DNPEP: variants seen among roughly 807,000 people sequenced by gnomAD.
DNPEP encodes the protein aspartyl aminopeptidase.
Under a neutral mutation model 59.1 loss-of-function variants are expected in DNPEP, and 46 were observed. That is an observed-to-expected ratio of 0.78 (90% CI 0.61 to 0.99). The LOEUF is 0.99. Ranked by LOEUF, DNPEP falls within the 50% of genes least tolerant of loss-of-function variation. DNPEP has a pLI of 0.00. For missense variants in DNPEP, 617 were observed against 649.9 expected (o/e 0.95, Z 0.55); for synonymous variants, 229 against 242.2 (o/e 0.95, Z 0.50).
In DNPEP at chr2:219,381,918, G is replaced by A. The variant is rs1953618310; in HGVS notation, c.1097+61C>T. Reference sequence around the variant, plus strand: ...GGCTGGGGCCAAGGCAGAGCCTCAAGGCAGGTTATGCTTGGGTCTCCAGCT... The same window carrying A: ...GGCTGGGGCCAAGGCAGAGCCTCAAAGCAGGTTATGCTTGGGTCTCCAGCT... On this transcript the variant is annotated intron_variant, in intron 11 of 14. Coordinates refer to ENST00000273075, the MANE Select transcript of DNPEP (RefSeq NM_012100.4). 5.7e-6 allele frequency: 9 copies of A among 1,588,508 alleles called. No homozygotes were observed. In the Admixed American group the frequency reaches 1.3e-4, roughly 24 times the overall value.
rs376715559 is a variant in DNPEP at position 219,374,874 on chromosome 2, T to C, written c.1388A>G (p.Gln463Arg). The change falls in exon 14 of 15, where the codon CAG becomes CGG. Residue 463 changes from glutamine to arginine, a missense_variant. Coordinates refer to ENST00000273075, the MANE Select transcript of DNPEP (RefSeq NM_012100.4). ...TGTTACCTTGAAGAGGGTGAGGGTC[T>C]GGAGGACTCCTGTGGTGCAGGCCAT... is the stretch of plus-strand genomic sequence containing the variant. ...REMACTTGVL[Q>R]TLTLFKGFFE... is the part of the protein sequence containing the mutation. The C allele has an allele frequency of 1.2e-6, 2 of 1,614,040 alleles. No individual in the cohort carries two copies. The highest frequency in any genetic ancestry group is 2.7e-5 in the African/African-American group (2 of 74,938).
rs1953432148 is a variant in DNPEP, at chr2:219,377,778, GC to G, written c.1240-2757del. ...CATTTTTACTAAAAATAGAAAATTAGCCAGCATGGTGGCATGCATCTGTAGT... is the reference window on the plus strand; with the variant it reads ...CATTTTTACTAAAAATAGAAAATTAGCAGCATGGTGGCATGCATCTGTAGT... On this transcript the variant is annotated intron_variant, in intron 13 of 14. Transcript: ENST00000273075. Among the ~76,000 whole-genome samples, 3 of 152,018 alleles carry G rather than the reference GC, an allele frequency of 2.0e-5. No homozygotes were observed. In the South Asian group the frequency reaches 6.2e-4, roughly 32 times the overall value.
chr2:219,378,573 G>A (rs6717249), intron 13 of DNPEP, among the ~76,000 whole-genome samples: 125,469 of 152,176 alleles, frequency 0.82, 52,866 homozygotes, highest in Non-Finnish European at 0.91. Flanking sequence ...ATTGTCACTG[G>A]ACCGCCCATG....
chr2:219,376,479 C>T (rs1482584651), intron 13 of DNPEP, among the ~76,000 whole-genome samples: 6 of 147,882 alleles, frequency 4.1e-5, no homozygotes, highest in African/African-American at 1.2e-4. Context: ...CAGAGCGAGA[C>T]CCTGTCTAAA....
At position 219,372,273 on chromosome 2, in the gene DNPEP, CAGA is replaced by C. The variant is rs1324962703; in HGVS notation, c.*2016_*2018del. ...TAAGGCCCTTTTGTCACTCCCAACCCAGAAGATCACTGTAAAAGTTTCAGGTGC... is the reference window on the plus strand; with the variant it reads ...TAAGGCCCTTTTGTCACTCCCAACCCAGATCACTGTAAAAGTTTCAGGTGC... On this transcript the variant is annotated 3_prime_UTR_variant, in exon 15 of 15. Transcript: ENST00000273075. Among the ~76,000 whole-genome samples, 3 of 152,174 alleles carry C rather than the reference CAGA, an allele frequency of 2.0e-5. No individual in the cohort carries two copies. The highest frequency in any genetic ancestry group is 4.8e-5 in the African/African-American group (2 of 41,446).
rs549968429 is a variant in DNPEP at position 219,385,464 on chromosome 2, A to G, written c.734T>C (p.Ile245Thr). Reference sequence around the variant, plus strand: ...TGCAAGGCAGAGCTCCATCTCCACTATGTCCTTGGGGCTCAGCCCCAGATG... The same window carrying G: ...TGCAAGGCAGAGCTCCATCTCCACTGTGTCCTTGGGGCTCAGCCCCAGATG... ...CAHLGLSPKDIVEMELCLADT... is the reference protein window; with the variant it reads ...CAHLGLSPKDTVEMELCLADT... Residue 245 changes from isoleucine (I) to threonine (T), a missense_variant, in exon 8 of 15, where the codon ATA (isoleucine) becomes ACA (threonine). Coordinates refer to ENST00000273075, the MANE Select transcript of DNPEP (RefSeq NM_012100.4). 1.7e-5 allele frequency: 28 copies of G among 1,610,066 alleles called. No homozygotes were observed. In the East Asian group the frequency reaches 2.2e-4, roughly 13 times the overall value.
intron 9 of DNPEP, among the ~76,000 whole-genome samples, chr2:219,383,672 T>C (rs1050276454): frequency 3.3e-5 from 5 of 151,910 alleles, no homozygotes; most frequent in African/African-American, 7.3e-5. Flanking sequence ...CATAAACTGA[T>C]TGGCCTCAGG....
At chr2:219,386,453 A>C in intron 4 of DNPEP, 42 bp from the exon 5 acceptor site, 1 of 1,612,944 alleles carries the variant, frequency 6.2e-7, no homozygotes, top group Non-Finnish European at 8.5e-7. Flanking sequence ...CTTCATGACG[A>C]TATGTGGAGA....
In DNPEP at chr2:219,381,158, C is replaced by A. The variant is rs559813633; in HGVS notation, c.1239+177G>T. ...CTAGTCCAAGGTCACACAGCTAGCA[C>A]TGCAGCAGAGCCAGCATGGAATCCA... On this transcript the variant is annotated intron_variant, in intron 13 of 14. Coordinates refer to ENST00000273075, the MANE Select transcript of DNPEP (RefSeq NM_012100.4). Among the ~76,000 whole-genome samples the A allele has an allele frequency of 2.0e-5, 3 of 152,372 alleles. No individual in the cohort carries two copies. In the East Asian group the frequency reaches 5.8e-4, roughly 29 times the overall value.
At position 219,387,173 on chromosome 2, in the gene DNPEP, G is replaced by A. The variant is rs748726652; in HGVS notation, c.37-10C>T. ...TACCGTTCATGGCCACCTAGGGGAGGGGGATGCTCAGACTTTTACAAGGTC... is the reference window on the plus strand; with the variant it reads ...TACCGTTCATGGCCACCTAGGGGAGAGGGATGCTCAGACTTTTACAAGGTC... On this transcript the variant is annotated splice_polypyrimidine_tract_variant and intron_variant, in intron 1 of 14. Transcript: ENST00000273075. 6.4e-7 allele frequency: 1 copy of A among 1,553,210 alleles called. No homozygotes were observed. The highest frequency in any genetic ancestry group is 1.2e-5 in the South Asian group (1 of 84,468).
chr2:219,387,748 G>C lies in DNPEP; in HGVS notation c.36+11C>G, dbSNP rs778195991. The C allele has an allele frequency of 1.7e-5, 28 of 1,608,218 alleles. No individual in the cohort carries two copies. The highest frequency in any genetic ancestry group is 2.4e-5 in the Non-Finnish European group (28 of 1,177,834). On this transcript the variant is annotated intron_variant, in intron 1 of 14. Transcript: ENST00000273075. ...ATCGAAATTCAAGTGGGGCCGTCGG[G>C]AGCCACTTACCTGCATGGCCCCGCG...
At chr2:219,395,227 C>T (rs942102209) in intron 1 of DNPEP, among the ~76,000 whole-genome samples, 5 of 152,162 alleles carry the variant, frequency 3.3e-5, no homozygotes, top group Non-Finnish European at 7.3e-5. Flanking sequence ...GGATCACAGG[C>T]GTGAGCCACT....
At chr2:219,395,208 G>A (rs545572396) in intron 1 of DNPEP, among the ~76,000 whole-genome samples, 6 of 152,146 alleles carry the variant, frequency 3.9e-5, no homozygotes, top group African/African-American at 1.4e-4. Context: ...TCAGCCTCCC[G>A]AAGTGCTGGG....
intron 1 of DNPEP, among the ~76,000 whole-genome samples, chr2:219,399,710 C>T (rs541265600): frequency 1.3e-5 from 2 of 152,310 alleles, no homozygotes; most frequent in South Asian, 4.1e-4. Context: ...GCCACTTGCT[C>T]GAGGTCTGGT....
chr2:219,386,273 C>T lies in DNPEP; in HGVS notation c.459+13G>A, dbSNP rs1271648933. 6.2e-7 allele frequency: 1 copy of T among 1,614,044 alleles called. No individual in the cohort carries two copies. The highest frequency in any genetic ancestry group is 8.5e-7 in the Non-Finnish European group (1 of 1,180,010). ...TCTGAGGAGGCTCCGCCATCCCCAACCTCGGTTCCCACCTTGACAATGACG... is the reference window on the plus strand; with the variant it reads ...TCTGAGGAGGCTCCGCCATCCCCAATCTCGGTTCCCACCTTGACAATGACG... On this transcript the variant is annotated intron_variant, in intron 5 of 14. Coordinates refer to ENST00000273075, the MANE Select transcript of DNPEP (RefSeq NM_012100.4).
At chr2:219,392,675 A>AT (rs1410495249), upstream of DNPEP, among the ~76,000 whole-genome samples, 14 of 152,154 alleles carry the variant, frequency 9.2e-5, no homozygotes, top group Middle Eastern at 3.4e-3. Context: ...TGCCTGGCTC[A>AT]TTTTTTGTAT....
At chr2:219,374,421 A>T in intron 14 of DNPEP, 79 bp from the exon 15 acceptor site, 1 of 1,333,396 alleles carries the variant, frequency 7.5e-7, no homozygotes, top group Non-Finnish European at 1.1e-6. Flanking sequence ...TCCCACCAAC[A>T]TATGTTCCAG....
chr2:219,375,676 C>A lies in DNPEP; in HGVS notation c.1240-654G>T, dbSNP rs542222532. ...TCCTGGGTTCAAGCGATTCTCCTGT[C>A]TCAGCCTCCCAAGTAGCTGGGATTA... On this transcript the variant is annotated intron_variant, in intron 13 of 14. Transcript: ENST00000273075. Among the ~76,000 whole-genome samples, 10 of 152,304 alleles carry A rather than the reference C, an allele frequency of 6.6e-5. No homozygotes were observed. In the South Asian group the frequency reaches 2.1e-3, roughly 32 times the overall value.
intron 8 of DNPEP, 77 bp from the exon 9 acceptor site, chr2:219,384,520 T>A: frequency 7.7e-7 from 1 of 1,296,352 alleles, no homozygotes; most frequent in Non-Finnish European, 1.1e-6. Flanking sequence ...AAGGGTCTCC[T>A]TGGTTTCTTG....
Sources: allele counts gnomAD v4.1 joint callset (sites outside exome capture counted in the v4.1 genomes callset), GRCh38; gene constraint gnomAD v4.1.1; transcripts MANE v1.5; gene names NCBI Gene and HGNC (gene_info 2026-07-23, HGNC 2026-07-21).